CPQ: variants seen among roughly 807,000 people sequenced by gnomAD.
The protein encoded by CPQ is carboxypeptidase Q.
In CPQ, 37 loss-of-function variants were observed where a neutral mutation model predicts 45.7. The observed-to-expected ratio is 0.81, with a 90% CI of 0.62 to 1.07. The LOEUF is 1.07. Among genes scored for constraint, CPQ ranks in the 50% least tolerant of loss-of-function variants. CPQ has a pLI of 0.00. For synonymous variants in CPQ, 186 were observed against 205.8 expected (o/e 0.90, Z 0.82); for missense variants, 537 against 572.9 (o/e 0.94, Z 0.64).
chr8:97,027,587 G>C (rs1043280406), intron 5 of CPQ, among the ~76,000 whole-genome samples: 1 of 152,164 alleles, frequency 6.6e-6, no homozygotes, highest in African/African-American at 2.4e-5. Flanking sequence ...AGTGCCTAAT[G>C]ATAGCAGGAT....
intron 4 of CPQ, among the ~76,000 whole-genome samples, chr8:96,917,322 G>A (rs1812746627): frequency 6.6e-6 from 1 of 152,092 alleles, no homozygotes; most frequent in Non-Finnish European, 1.5e-5. Context: ...ATAAGTACTG[G>A]TTATAATCTA....
chr8:96,727,443 A>C (rs1809857870), intron 1 of CPQ, among the ~76,000 whole-genome samples: 1 of 152,150 alleles, frequency 6.6e-6, no homozygotes, highest in Admixed American at 6.5e-5. Flanking sequence ...AAGGTATAAA[A>C]ACACTCTCAG....
chr8:96,776,404 T>C (rs1202012903), intron 1 of CPQ, among the ~76,000 whole-genome samples: 1 of 152,148 alleles, frequency 6.6e-6, no homozygotes, highest in African/African-American at 2.4e-5. Context: ...GTAAGTAGTA[T>C]AGAAGAAAAA....
At chr8:96,961,798 G>C (rs187344727) in intron 4 of CPQ, among the ~76,000 whole-genome samples, 2 of 152,334 alleles carry the variant, frequency 1.3e-5, no homozygotes, top group African/African-American at 4.8e-5. Context: ...AACCATGACT[G>C]AATGCCAGAG....
At chr8:97,101,979 C>CTCG (rs1563580605) in intron 7 of CPQ, among the ~76,000 whole-genome samples, 6 of 136,638 alleles carry the variant, frequency 4.4e-5, no homozygotes, top group Middle Eastern at 4.2e-3. Context: ...TCTCTCTCTC[C>CTCG]TGATAGCTCA....
chr8:96,915,609 G>A (rs1374213663), intron 4 of CPQ, among the ~76,000 whole-genome samples: 1 of 152,056 alleles, frequency 6.6e-6, no homozygotes, highest in Non-Finnish European at 1.5e-5. Context: ...TTGTCTGACT[G>A]TGTCCTCCAT....
At chr8:96,670,447 A>G (rs1211124998) in intron 1 of CPQ, among the ~76,000 whole-genome samples, 1 of 152,184 alleles carries the variant, frequency 6.6e-6, no homozygotes, top group Admixed American at 6.5e-5. Context: ...GAATCCACAA[A>G]TAATGAGGAT....
intron 7 of CPQ, among the ~76,000 whole-genome samples, chr8:97,077,664 A>G (rs556250044): frequency 1.3e-5 from 2 of 152,340 alleles, no homozygotes; most frequent in South Asian, 4.1e-4. Flanking sequence ...TGCATTCATA[A>G]CATACCTTTT....
chr8:96,725,310 A>G (rs1254772208), intron 1 of CPQ, among the ~76,000 whole-genome samples: 1 of 152,218 alleles, frequency 6.6e-6, no homozygotes, highest in African/African-American at 2.4e-5. Flanking sequence ...ACAGAAAGGG[A>G]GAAAGTATTC....
chr8:96,887,748 A>G (rs1812322936), intron 4 of CPQ, among the ~76,000 whole-genome samples: 1 of 152,166 alleles, frequency 6.6e-6, no homozygotes, highest in African/African-American at 2.4e-5. Context: ...TTCTGAAGTT[A>G]TTGTATGGAA....
chr8:96,667,940 C>T (rs1808947887), intron 1 of CPQ, among the ~76,000 whole-genome samples: 1 of 152,042 alleles, frequency 6.6e-6, no homozygotes, highest in South Asian at 2.1e-4. Context: ...ATGTTTGATG[C>T]TTCTGAGGGC....
chr8:97,005,439 C>T (rs377517050), intron 5 of CPQ, among the ~76,000 whole-genome samples: 5 of 151,746 alleles, frequency 3.3e-5, no homozygotes, highest in East Asian at 2.0e-4. Flanking sequence ...CAGTGGCTCA[C>T]GCCTGTAATC....
intron 7 of CPQ, among the ~76,000 whole-genome samples, chr8:97,100,246 C>G (rs919051499): frequency 6.6e-6 from 1 of 152,162 alleles, no homozygotes; most frequent in African/African-American, 2.4e-5. Flanking sequence ...GGAGATCCAA[C>G]AGCATAGAGC....
At chr8:96,883,243 T>C (rs142485298) in intron 4 of CPQ, among the ~76,000 whole-genome samples, 1 of 152,344 alleles carries the variant, frequency 6.6e-6, no homozygotes, top group African/African-American at 2.4e-5. Flanking sequence ...AACATTCTTG[T>C]ACTAGTCTTT....
At chr8:96,812,020 G>A (rs1487478333) in intron 2 of CPQ, among the ~76,000 whole-genome samples, 1 of 152,106 alleles carries the variant, frequency 6.6e-6, no homozygotes, top group Non-Finnish European at 1.5e-5. Context: ...TCCTTTCTTT[G>A]TGGATTATTT....
At chr8:96,936,067 A>G (rs1397174454) in intron 4 of CPQ, among the ~76,000 whole-genome samples, 2 of 151,856 alleles carry the variant, frequency 1.3e-5, no homozygotes, top group Admixed American at 6.6e-5. Context: ...TCTTTCCCTC[A>G]TTTTTGTGGC....
intron 1 of CPQ, among the ~76,000 whole-genome samples, chr8:96,719,313 G>A (rs915167376): frequency 6.6e-6 from 1 of 152,244 alleles, no homozygotes; most frequent in African/African-American, 2.4e-5. Context: ...TACACCCTCC[G>A]CAGCCACTGG....
At position 96,695,719 on chromosome 8, in the gene CPQ, T is replaced by C. The variant is rs199603441; in HGVS notation, c.-35+50317T>C. Among the ~76,000 whole-genome samples the C allele has an allele frequency of 4.0e-4, 61 of 151,592 alleles. No individual in the cohort carries two copies. The East Asian group carries it at 6.9e-3, about 17-fold the overall frequency. ...TCATCATCACTGGCCATCAGAGAAA[T>C]GCAAATTAAAACCACAATGAGATAC... On this transcript the variant is annotated intron_variant, in intron 1 of 7. Coordinates refer to ENST00000220763, the MANE Select transcript of CPQ (RefSeq NM_016134.4).
intron 1 of CPQ, among the ~76,000 whole-genome samples, chr8:96,693,294 G>A (rs1025064100): frequency 6.6e-6 from 1 of 151,728 alleles, no homozygotes; most frequent in Non-Finnish European, 1.5e-5. Context: ...AGGGTAGAAA[G>A]TTCATTGAAA....
Sources: gnomAD v4.1 joint callset for allele counts (sites outside exome capture counted in the v4.1 genomes callset) on GRCh38, gnomAD v4.1.1 for gene constraint, MANE v1.5 for transcripts, NCBI Gene and HGNC (gene_info 2026-07-23, HGNC 2026-07-21) for gene names.